NMBR: variants seen among roughly 807,000 people sequenced by gnomAD.
NMBR encodes neuromedin B receptor.
In NMBR, 16 loss-of-function variants were observed where a neutral mutation model predicts 20.5. The ratio of observed to expected loss-of-function variants is 0.78; its 90% CI spans 0.53 to 1.19. NMBR has a LOEUF of 1.19. Ranked by LOEUF, NMBR falls within the 50% of genes most tolerant of loss-of-function variation. NMBR has a pLI of 0.00. For missense variants in NMBR, 582 were observed against 499.1 expected, an observed-to-expected ratio of 1.17 and a Z score of -1.58; for synonymous variants, 212 against 196.6, an observed-to-expected ratio of 1.08 and a Z score of -0.65.
chr6:142,133,976 G>A (rs1388774123), intron 1 of NMBR: 1 of 702,488 alleles, frequency 1.4e-6, no homozygotes, highest in African/African-American at 1.7e-5. Flanking sequence ...TTGCGATCCA[G>A]ACAAAAGAGA....
intron 2 of NMBR, 147 bp from the exon 3 acceptor site, chr6:142,079,050 A>AAGAGAGAAAGAG (rs138040107): frequency 1.1e-5 from 5 of 444,392 alleles, no homozygotes; most frequent in African/African-American, 4.2e-5. Context: ...GAGAGAAAGA[A>AAGAGAGAAAGAG]AGAGAGAAAG....
intron 1 of NMBR, among the ~76,000 whole-genome samples, chr6:142,144,693 TACACTA>T (rs1413793861): frequency 6.6e-6 from 1 of 152,230 alleles, no homozygotes; most frequent in Admixed American, 6.5e-5. Context: ...CAATGTGTGT[TACACTA>T]ACACTGTCTC....
rs1474263219 is a variant in NMBR at position 142,104,922 on chromosome 6, T to C, written c.-663-15601A>G. ...CAAAGGGTGGTGGGATTATCATTAG[T>C]TCTTATAGGTTTGGGATAGGCAGTG... On this transcript the variant is annotated intron_variant, in intron 1 of 3. Coordinates refer to ENST00000258042, the MANE Select transcript of NMBR (RefSeq NM_002511.4). Among the ~76,000 whole-genome samples the C allele has an allele frequency of 2.0e-5, 3 of 152,136 alleles. No homozygotes were observed. In the South Asian group the frequency reaches 6.2e-4, roughly 32 times the overall value.
rs764406750 is a variant in NMBR at position 142,075,975 on chromosome 6, G to T, written c.846C>A (p.Asn282Lys). The change falls in exon 4 of 4, where the codon AAC becomes AAA. Residue 282 changes from asparagine to lysine, a missense_variant. Transcript: ENST00000258042. ...AAGACCGATACATGTAAAGGATGTG[G>T]TTTGGAAACCAACAGAAGATGAAAC... ...VGCFIFCWFP[N>K]HILYMYRSFN... 6.2e-7 allele frequency: 1 copy of T among 1,613,224 alleles called. No homozygotes were observed. Among genetic ancestry groups the T allele is most frequent in the South Asian group, 1.1e-5 (1 of 90,830 alleles).
At chr6:142,090,008 TTCTA>T (rs1393938947) in intron 1 of NMBR, among the ~76,000 whole-genome samples, 4 of 152,192 alleles carry the variant, frequency 2.6e-5, no homozygotes, top group Non-Finnish European at 5.9e-5. Context: ...TATTTGTTAA[TTCTA>T]TCTATTAAGG....
intron 1 of NMBR, among the ~76,000 whole-genome samples, chr6:142,124,255 G>A (rs1777995618): frequency 6.6e-6 from 1 of 151,790 alleles, no homozygotes; most frequent in African/African-American, 2.4e-5. Flanking sequence ...TTTATTACAA[G>A]GTATGTACCA....
At chr6:142,102,188 A>T (rs1582847799) in intron 1 of NMBR, among the ~76,000 whole-genome samples, 1 of 152,174 alleles carries the variant, frequency 6.6e-6, no homozygotes, top group East Asian at 1.9e-4. Context: ...GAAGATCAAG[A>T]CCATCCTGGC....
At chr6:142,088,083 T>C (rs1777232407) in intron 2 of NMBR, 154 bp downstream of exon 2, 1 of 673,738 alleles carries the variant, frequency 1.5e-6, no homozygotes, top group Admixed American at 2.9e-5. Context: ...CTCTGTTTAC[T>C]CTACTTCCCA....
chr6:142,125,511 A>ATGCATATACACATATACATGTGCATG (rs1272599578), intron 1 of NMBR, among the ~76,000 whole-genome samples: 1 of 64,936 alleles, frequency 1.5e-5, no homozygotes, highest in Non-Finnish European at 4.0e-5. Context: ...ACATATACAT[A>ATGCATATACACATATACATGTGCATG]CATACACAAT....
intron 1 of NMBR, among the ~76,000 whole-genome samples, chr6:142,093,762 C>T (rs909333167): frequency 6.6e-6 from 1 of 152,126 alleles, no homozygotes; most frequent in African/African-American, 2.4e-5. Flanking sequence ...AGTTTACAGT[C>T]CCACCAACAG....
chr6:142,100,129 C>T (rs753932797), intron 1 of NMBR, among the ~76,000 whole-genome samples: 4 of 152,184 alleles, frequency 2.6e-5, no homozygotes, highest in Non-Finnish European at 5.9e-5. Context: ...GGTGAAAACG[C>T]AAAATTTGGA....
chr6:142,139,990 G>A (rs540192082), intron 1 of NMBR, among the ~76,000 whole-genome samples: 2 of 152,136 alleles, frequency 1.3e-5, no homozygotes, highest in Admixed American at 6.5e-5. Context: ...AAGCTTTTCC[G>A]ACTATTTATG....
At chr6:142,143,571 A>G (rs923832202) in intron 1 of NMBR, among the ~76,000 whole-genome samples, 1 of 152,246 alleles carries the variant, frequency 6.6e-6, no homozygotes, top group Non-Finnish European at 1.5e-5. Flanking sequence ...GGCGTGAGCC[A>G]CTGCACCATT....
At chr6:142,134,491 G>A (rs1778210013) in intron 1 of NMBR, 1 of 477,078 alleles carries the variant, frequency 2.1e-6, no homozygotes, top group Non-Finnish European at 3.7e-6. Context: ...GTTACATATT[G>A]ATTAATTGAT....
At chr6:142,092,976 A>C (rs1190438611) in intron 1 of NMBR, among the ~76,000 whole-genome samples, 2 of 152,106 alleles carry the variant, frequency 1.3e-5, no homozygotes, top group Admixed American at 1.3e-4. Context: ...AACCTTGTAA[A>C]CACATAGTTT....
At chr6:142,086,619 A>T (rs78828162) in intron 2 of NMBR, among the ~76,000 whole-genome samples, 1 of 152,142 alleles carries the variant, frequency 6.6e-6, no homozygotes, top group Admixed American at 6.5e-5. Flanking sequence ...GAGGCATCTC[A>T]CCTTTCCTTA....
intron 1 of NMBR, chr6:142,132,973 T>C: frequency 4.8e-6 from 2 of 419,046 alleles, no homozygotes; most frequent in East Asian, 3.4e-5. Flanking sequence ...GGGACAGAGA[T>C]AGGAAGGTTG....
chr6:142,116,001 G>T (rs150794699), intron 1 of NMBR, among the ~76,000 whole-genome samples: 1 of 151,868 alleles, frequency 6.6e-6, no homozygotes, highest in Admixed American at 6.6e-5. Flanking sequence ...TTCTCTGATA[G>T]TGAATTAGTC....
At chr6:142,107,253 AC>A (rs1777679275) in intron 1 of NMBR, among the ~76,000 whole-genome samples, 2 of 152,202 alleles carry the variant, frequency 1.3e-5, no homozygotes, top group Non-Finnish European at 2.9e-5. Context: ...CAATAAAAAA[AC>A]AAATGTCAAA....
Sources: allele counts gnomAD v4.1 joint callset (sites outside exome capture counted in the v4.1 genomes callset), GRCh38; gene constraint gnomAD v4.1.1; transcripts MANE v1.5; gene names NCBI Gene and HGNC (gene_info 2026-07-23, HGNC 2026-07-21).